The following PIAS2 variants were observed in gnomAD, a reference collection of about 807,000 sequenced individuals.
PIAS2 encodes the protein E3 SUMO-protein ligase PIAS2.
In PIAS2, 19 loss-of-function variants were observed where a neutral mutation model predicts 69.7. The ratio of observed to expected loss-of-function variants is 0.27; its 90% CI spans 0.19 to 0.40. The LOEUF is 0.40. Among genes scored for constraint, PIAS2 ranks in the 10% least tolerant of loss-of-function variants. The probability of loss-of-function intolerance (pLI) is 1.00; values close to 1 mark genes in which losing one functional copy is unlikely to be tolerated. For missense variants in PIAS2, 624 were observed against 757.0 expected, an observed-to-expected ratio of 0.82 and a Z score of 2.06; for synonymous variants, 261 against 263.2, an observed-to-expected ratio of 0.99 and a Z score of 0.08.
intron 2 of PIAS2, among the ~76,000 whole-genome samples, chr18:46,882,440 G>A (rs1011126946): frequency 6.6e-6 from 1 of 152,126 alleles, no homozygotes; most frequent in African/African-American, 2.4e-5. Flanking sequence ...GTGCAATGCT[G>A]TGGAAGCTAC....
At chr18:46,901,513 A>C (rs2055858921) in intron 1 of PIAS2, among the ~76,000 whole-genome samples, 2 of 152,240 alleles carry the variant, frequency 1.3e-5, no homozygotes, top group South Asian at 4.1e-4. Flanking sequence ...AAAGAATTAA[A>C]CACCATGGTC....
intron 1 of PIAS2, among the ~76,000 whole-genome samples, chr18:46,892,679 C>T (rs1246131581): frequency 6.6e-6 from 1 of 151,896 alleles, no homozygotes; most frequent in African/African-American, 2.4e-5. Flanking sequence ...GAGACTGAGG[C>T]GAGAGGATCA....
intron 9 of PIAS2, among the ~76,000 whole-genome samples, chr18:46,832,691 G>A (rs2043825223): frequency 1.3e-5 from 2 of 151,878 alleles, no homozygotes; most frequent in African/African-American, 4.8e-5. Flanking sequence ...AGGAGTTGGA[G>A]ACCAGCCTGG....
intron 1 of PIAS2, among the ~76,000 whole-genome samples, chr18:46,896,794 G>A (rs1175912844): frequency 6.6e-6 from 1 of 152,144 alleles, no homozygotes. Context: ...TGTGAGTGTA[G>A]ACATAAAAGT....
intron 9 of PIAS2, among the ~76,000 whole-genome samples, chr18:46,835,747 T>A (rs1015392126): frequency 6.6e-6 from 1 of 152,216 alleles, no homozygotes; most frequent in Non-Finnish European, 1.5e-5. Context: ...CACCATAGGA[T>A]GGTACTGCTA....
intron 1 of PIAS2, chr18:46,916,745 T>C (rs1568940397): frequency 1.2e-6 from 1 of 869,266 alleles, no homozygotes; most frequent in Non-Finnish European, 1.4e-6. Flanking sequence ...GGCCGATTAT[T>C]GAAGGCAGGG....
At position 46,807,654 on chromosome 18, in the gene PIAS2, C is replaced by A. The variant is rs1314854192; in HGVS notation, c.*4779G>T. 1 of 152,078 alleles carries A rather than the reference C, an allele frequency of 6.6e-6. No homozygotes were observed. The highest frequency in any genetic ancestry group is 1.5e-5 in the Non-Finnish European group (1 of 68,080). The allele number at this position is 152,078 out of a possible 1,614,324, so 9.4% of individuals were successfully genotyped here. ...TCAGATTATCTGCCCGCCTTGGCCTCCCAAAGTGCTGGGATTACAGGCGTG... is the reference window on the plus strand; with the variant it reads ...TCAGATTATCTGCCCGCCTTGGCCTACCAAAGTGCTGGGATTACAGGCGTG... On this transcript the variant is annotated 3_prime_UTR_variant, in exon 14 of 14. Coordinates refer to ENST00000585916, the MANE Select transcript of PIAS2 (RefSeq NM_004671.5).
chr18:46,854,076 A>C (rs913002517), intron 5 of PIAS2, among the ~76,000 whole-genome samples: 1 of 152,218 alleles, frequency 6.6e-6, no homozygotes, highest in Non-Finnish European at 1.5e-5. Flanking sequence ...CAGGTCTCTA[A>C]GTCCACAGGC....
chr18:46,907,591 T>A (rs2056774676), intron 1 of PIAS2: 1 of 152,326 alleles, frequency 6.6e-6, no homozygotes, highest in African/African-American at 2.4e-5. Context: ...AGTTGAATAT[T>A]GAATAACAAT....
At chr18:46,829,621 CA>C in intron 10 of PIAS2, 112 bp downstream of exon 10, 1 of 915,804 alleles carries the variant, frequency 1.1e-6, no homozygotes, top group Non-Finnish European at 1.7e-6. Context: ...TATATATCAT[CA>C]AAAGACTGAG....
At chr18:46,882,230 A>G (rs11877373) in intron 2 of PIAS2, among the ~76,000 whole-genome samples, 8,727 of 152,288 alleles carry the variant, frequency 0.057, 300 homozygotes, top group Non-Finnish European at 0.081. Flanking sequence ...ATTAATGTGC[A>G]TATCATTTGA....
At chr18:46,835,512 GAA>G (rs2044296195) in intron 9 of PIAS2, among the ~76,000 whole-genome samples, 2 of 152,128 alleles carry the variant, frequency 1.3e-5, no homozygotes, top group South Asian at 4.1e-4. Context: ...AGCTCACCTT[GAA>G]TTCCTGGGCT....
At chr18:46,822,769 G>GGA (rs1024065096) in intron 11 of PIAS2, among the ~76,000 whole-genome samples, 1 of 152,088 alleles carries the variant, frequency 6.6e-6, no homozygotes, top group African/African-American at 2.4e-5. Context: ...TGGGTAAGGA[G>GGA]GAGAGAGAGA....
intron 1 of PIAS2, chr18:46,915,102 G>A (rs568008294): frequency 2.6e-5 from 4 of 151,552 alleles, no homozygotes; most frequent in African/African-American, 7.3e-5. Flanking sequence ...AGTGTAGCCC[G>A]GGCTCTGAAA....
Position 46,829,674 on chromosome 18 carries a change from A to T in PIAS2, c.1336+60T>A, listed in dbSNP as rs1427923565. 7 of 1,482,742 alleles carry T rather than the reference A, an allele frequency of 4.7e-6. No homozygotes were observed. In the East Asian group the frequency reaches 1.6e-4, roughly 34 times the overall value. The allele number at this position is 1,482,742 out of a possible 1,614,324, so 91.8% of individuals were successfully genotyped here. A position where few individuals can be genotyped will look rare whatever the true frequency, so the allele number is the denominator to read the frequency against. ...CAAACGTATAGTTCTAGGGGCCAAG[A>T]TTAATGATAATGTTGCACGAGTCTC... On this transcript the variant is annotated intron_variant, in intron 10 of 13. Transcript: ENST00000585916.
intron 1 of PIAS2, 68 bp from the exon 2 acceptor site, chr18:46,891,122 TA>T: frequency 8.8e-7 from 1 of 1,130,552 alleles, no homozygotes; most frequent in Non-Finnish European, 1.3e-6. Flanking sequence ...ATCTAAAATA[TA>T]ATGTAAAATG....
intron 11 of PIAS2, among the ~76,000 whole-genome samples, chr18:46,824,937 C>G (rs1405321708): frequency 6.6e-6 from 1 of 151,016 alleles, no homozygotes; most frequent in East Asian, 1.9e-4. Flanking sequence ...GAGGTCAAGA[C>G]TGCAGTGAGC....
Position 46,890,580 on chromosome 18 carries a change from C to A in PIAS2, c.499G>T (p.Val167Phe). Residue 167 changes from valine (V) to phenylalanine (F), a missense_variant and splice_region_variant, in exon 2 of 14, where the codon GTT (valine) becomes TTT (phenylalanine). Transcript: ENST00000585916. ...AGAAACTGAATTCTCAAACACTTAC[C>A]TAAACTCGTGGGCTTGATGAGAACA... ...LDVLIKPTSL[V>F]QSSIQRFQEK... 6.3e-7 allele frequency: 1 copy of A among 1,592,846 alleles called. No individual in the cohort carries two copies. Among genetic ancestry groups the A allele is most frequent in the Non-Finnish European group, 8.6e-7 (1 of 1,162,602 alleles).
At chr18:46,821,462 G>T (rs1024975145) in intron 11 of PIAS2, among the ~76,000 whole-genome samples, 1 of 152,128 alleles carries the variant, frequency 6.6e-6, no homozygotes, top group Non-Finnish European at 1.5e-5. Context: ...CCTAAGGTTT[G>T]ATTTAAATCA....
Sources: gnomAD v4.1 joint callset for allele counts (sites outside exome capture counted in the v4.1 genomes callset) on GRCh38, gnomAD v4.1.1 for gene constraint, MANE v1.5 for transcripts, NCBI Gene and HGNC (gene_info 2026-07-23, HGNC 2026-07-21) for gene names.